Variants in DNAAF11 observed in about 807,000 individuals in gnomAD.
The protein encoded by DNAAF11 is dynein axonemal assembly factor 11, also known as leucine rich repeat containing 6.
DNAAF11 carries 45 observed loss-of-function variants against 60.8 expected under a neutral mutation model. That is an observed-to-expected ratio of 0.74 (90% CI 0.58 to 0.95). The LOEUF (loss-of-function observed/expected upper bound fraction) is 0.95, where lower values mean the gene tolerates loss of function less well. Ranked by LOEUF, DNAAF11 falls within the 40% of genes least tolerant of loss-of-function variation. The pLI is 0.00. For missense variants in DNAAF11, 546 were observed against 546.2 expected (o/e 1.00, Z 0.00); for synonymous variants, 191 against 183.5 (o/e 1.04, Z -0.33).
chr8:132,667,394 C>T (rs537948200), intron 1 of DNAAF11, among the ~76,000 whole-genome samples: 6 of 152,262 alleles, frequency 3.9e-5, no homozygotes, highest in African/African-American at 1.4e-4. Flanking sequence ...CAATAAATGT[C>T]AGTTCCCTTC....
At position 132,589,932 on chromosome 8, in the gene DNAAF11, T is replaced by C. The variant is rs375205847; in HGVS notation, c.1141-6153A>G. Among the ~76,000 whole-genome samples, 9 of 152,340 alleles carry C rather than the reference T, an allele frequency of 5.9e-5. No homozygotes were observed. In the East Asian group the frequency reaches 9.6e-4, roughly 16 times the overall value. On this transcript the variant is annotated intron_variant, in intron 10 of 11. Transcript: ENST00000620350. ...AAAGTTAACATGAAGGTTAAGGGGA[T>C]GGTTTCTTAAAATGAACTGAACATT...
intron 10 of DNAAF11, among the ~76,000 whole-genome samples, chr8:132,594,774 G>C (rs1033436874): frequency 2.0e-5 from 3 of 152,108 alleles, no homozygotes; most frequent in Non-Finnish European, 4.4e-5. Context: ...AGTTTCCTGA[G>C]GCCTCCCAAG....
rs71306394 is a variant in DNAAF11, at chr8:132,595,348, G to GAAAAAAAAAAAAAAAA, written c.1141-11585_1141-11570dup. ...TCCCGAAAGAGAGAGAGACAGAGGG[G>GAAAAAAAAAAAAAAAA]AAAAAAAAAAAAAAAAAAAAAAAAA... On this transcript the variant is annotated intron_variant, in intron 10 of 11. Coordinates refer to ENST00000620350, the MANE Select transcript of DNAAF11 (RefSeq NM_012472.6). Among the ~76,000 whole-genome samples, 49 of 57,448 alleles carry GAAAAAAAAAAAAAAAA rather than the reference G, an allele frequency of 8.5e-4. 4 individuals are homozygous for GAAAAAAAAAAAAAAAA. Among genetic ancestry groups the GAAAAAAAAAAAAAAAA allele is most frequent in the African/African-American group, 5.2e-3 (47 of 8,958 alleles). 37.7% of individuals were successfully genotyped at this position (57,448 alleles called of 152,430 possible).
chr8:132,697,090 T>C, the DNAAF11 span, among the ~76,000 whole-genome samples: 1 of 152,212 alleles, frequency 6.6e-6, no homozygotes, highest in Admixed American at 6.5e-5. Flanking sequence ...TATTGCATGA[T>C]TCCATTTACA....
intron 11 of DNAAF11, among the ~76,000 whole-genome samples, chr8:132,579,366 G>T (rs1815084718): frequency 6.6e-6 from 1 of 152,236 alleles, no homozygotes; most frequent in South Asian, 2.1e-4. Context: ...ACCGCAGGGG[G>T]CTCAGGGAAG....
intron 3 of DNAAF11, among the ~76,000 whole-genome samples, chr8:132,639,533 G>C (rs1821650209): frequency 6.6e-6 from 1 of 152,116 alleles, no homozygotes; most frequent in African/African-American, 2.4e-5. Flanking sequence ...GATTCAGATT[G>C]GTTCATAGCT....
intron 2 of DNAAF11, among the ~76,000 whole-genome samples, chr8:132,660,272 A>G (rs1586724293): frequency 6.6e-6 from 1 of 151,786 alleles, no homozygotes; most frequent in African/African-American, 2.4e-5. Flanking sequence ...ACATGTGCAC[A>G]TTGTGCAGGT....
At chr8:132,582,587 G>A (rs572636700) in intron 11 of DNAAF11, among the ~76,000 whole-genome samples, 4 of 152,282 alleles carry the variant, frequency 2.6e-5, no homozygotes, top group African/African-American at 9.6e-5. Context: ...CTGGGAAATA[G>A]AGTGGATTTC....
At chr8:132,577,436 C>A (rs917238378) in intron 11 of DNAAF11, among the ~76,000 whole-genome samples, 1 of 152,150 alleles carries the variant, frequency 6.6e-6, no homozygotes, top group African/African-American at 2.4e-5. Context: ...AAGTCAGGTC[C>A]AAATGTCATC....
chr8:132,681,527 T>A, the DNAAF11 span, among the ~76,000 whole-genome samples: 1 of 152,056 alleles, frequency 6.6e-6, no homozygotes, highest in South Asian at 2.1e-4. Flanking sequence ...ATCTACTGCA[T>A]CCAACATAAG....
chr8:132,578,813 C>CT (rs1815026521), intron 11 of DNAAF11, among the ~76,000 whole-genome samples: 1 of 152,184 alleles, frequency 6.6e-6, no homozygotes, highest in Non-Finnish European at 1.5e-5. Context: ...CTGAAGTCAC[C>CT]TTTGCCCTGA....
intron 10 of DNAAF11, among the ~76,000 whole-genome samples, chr8:132,590,082 T>A (rs1353201954): frequency 6.6e-6 from 1 of 152,212 alleles, no homozygotes; most frequent in Non-Finnish European, 1.5e-5. Flanking sequence ...GCCTGCCCTG[T>A]CTTTGCTCTG....
chr8:132,625,393 T>C lies in DNAAF11; in HGVS notation c.715A>G (p.Lys239Glu). 1 of 1,613,732 alleles carries C rather than the reference T, an allele frequency of 6.2e-7. No individual in the cohort carries two copies. The highest frequency in any genetic ancestry group is 8.5e-7 in the Non-Finnish European group (1 of 1,179,752). ...APDTEEHNTK[K>E]LDNSEDDLEF... The stretch of plus-strand genomic sequence containing the variant: ...AAGTCATCTTCACTGTTGTCTAATT[T>C]CTTTGTGTTGTGTTCCTCTGTGTCT... The change falls in exon 6 of 12, where the codon AAA becomes GAA. Residue 239 changes from lysine to glutamate, a missense_variant. Coordinates refer to ENST00000620350, the MANE Select transcript of DNAAF11 (RefSeq NM_012472.6).
At chr8:132,701,030 G>A in the DNAAF11 span, among the ~76,000 whole-genome samples, 2 of 152,296 alleles carry the variant, frequency 1.3e-5, no homozygotes, top group East Asian at 3.9e-4. Context: ...GTATCCATGG[G>A]GGAAGATGGA....
intron 10 of DNAAF11, among the ~76,000 whole-genome samples, chr8:132,586,364 G>A (rs980091302): frequency 1.1e-4 from 10 of 91,918 alleles, no homozygotes; most frequent in African/African-American, 2.6e-4. Context: ...CTTGAAATGC[G>A]GTTAGTGCAA....
intron 1 of DNAAF11, among the ~76,000 whole-genome samples, chr8:132,668,723 T>C (rs1473508565): frequency 1.3e-5 from 2 of 152,166 alleles, no homozygotes; most frequent in Admixed American, 6.5e-5. Flanking sequence ...ATTACAGGCT[T>C]GAGCCACCGC....
At chr8:132,654,015 A>T (rs1187200794) in intron 3 of DNAAF11, among the ~76,000 whole-genome samples, 1 of 152,088 alleles carries the variant, frequency 6.6e-6, no homozygotes, top group Non-Finnish European at 1.5e-5. Flanking sequence ...ATGCCTTTTA[A>T]AGAGAAGCAT....
In DNAAF11 at chr8:132,572,373, G is replaced by T; in HGVS notation, c.1334C>A (p.Pro445His). The T allele has an allele frequency of 6.2e-7, 1 of 1,613,944 alleles. No homozygotes were observed. The highest frequency in any genetic ancestry group is 2.2e-5 in the East Asian group (1 of 44,878). Residue 445 changes from proline (P) to histidine (H), a missense_variant, in exon 12 of 12, where the codon CCC becomes CAC. By Grantham distance (77) the Pro-to-His change is moderately conservative. Coordinates refer to ENST00000620350, the MANE Select transcript of DNAAF11 (RefSeq NM_012472.6). ...GTCTTCCTCACTTGGTATAATTTTG[G>T]GTTCAGGTCGTCTTCTGGGTGTGTG... The part of the protein sequence containing the change: ...KKHTPRRRPE[P>H]KIIPSEEDPT...
intron 1 of DNAAF11, among the ~76,000 whole-genome samples, chr8:132,674,468 T>C (rs1208895147): frequency 1.3e-5 from 2 of 152,144 alleles, no homozygotes; most frequent in African/African-American, 4.8e-5. Flanking sequence ...TGATAAGTGA[T>C]CAATTAGGTA....
Sources: allele counts gnomAD v4.1 joint callset (sites outside exome capture counted in the v4.1 genomes callset), GRCh38; gene constraint gnomAD v4.1.1; transcripts MANE v1.5; gene names NCBI Gene and HGNC (gene_info 2026-07-23, HGNC 2026-07-21).